The following ATG10 variants were observed in gnomAD, a reference collection of about 807,000 sequenced individuals.
ATG10 encodes ubiquitin-like-conjugating enzyme ATG10.
A neutral mutation model predicts 32.1 loss-of-function variants in ATG10; 30 were observed. The ratio of observed to expected loss-of-function variants is 0.94; its 90% CI spans 0.70 to 1.27. The LOEUF (loss-of-function observed/expected upper bound fraction) is 1.27, where lower values mean the gene tolerates loss of function less well. ATG10 is among the 50% of genes most tolerant of loss of function. ATG10 has a pLI of 0.00. For synonymous variants in ATG10, 87 were observed against 91.5 expected (o/e 0.95, Z 0.28); for missense variants, 233 against 262.3 (o/e 0.89, Z 0.77).
At chr5:82,188,062 A>G (rs1301139191) in intron 5 of ATG10, among the ~76,000 whole-genome samples, 1 of 152,256 alleles carries the variant, frequency 6.6e-6, no homozygotes, top group Non-Finnish European at 1.5e-5. Context: ...AATCTAAATA[A>G]AATGGGAGTT....
chr5:81,978,084 T>C (rs1760919090), intron 1 of ATG10, among the ~76,000 whole-genome samples: 1 of 152,204 alleles, frequency 6.6e-6, no homozygotes, highest in South Asian at 2.1e-4. Context: ...TGGTCTTTTT[T>C]TTTGAGGCGG....
chr5:82,183,657 A>C (rs760207868), intron 5 of ATG10, among the ~76,000 whole-genome samples: 22 of 152,134 alleles, frequency 1.4e-4, no homozygotes, highest in Non-Finnish European at 2.8e-4. Flanking sequence ...TTCTAATTCT[A>C]TCATTCATTA....
chr5:82,243,799 A>C (rs1466351012), intron 5 of ATG10, among the ~76,000 whole-genome samples: 1 of 152,196 alleles, frequency 6.6e-6, no homozygotes, highest in African/African-American at 2.4e-5. Context: ...GCTTAATCTA[A>C]TGAAACATGT....
At chr5:81,991,631 T>TA (rs1232443197) in intron 2 of ATG10, among the ~76,000 whole-genome samples, 1 of 151,854 alleles carries the variant, frequency 6.6e-6, no homozygotes, top group Non-Finnish European at 1.5e-5. Context: ...CTTTCTCTAC[T>TA]AAAAATACAA....
chr5:82,117,054 G>A (rs575844669), intron 3 of ATG10, among the ~76,000 whole-genome samples: 9 of 151,994 alleles, frequency 5.9e-5, no homozygotes, highest in Non-Finnish European at 1.3e-4. Context: ...TAGGACCACC[G>A]TGCTCATTTG....
At chr5:82,107,999 C>A (rs948051514) in intron 3 of ATG10, among the ~76,000 whole-genome samples, 1 of 151,812 alleles carries the variant, frequency 6.6e-6, no homozygotes, top group Non-Finnish European at 1.5e-5. Context: ...CTAGATAGAA[C>A]CTGGTTGATA....
intron 2 of ATG10, among the ~76,000 whole-genome samples, chr5:82,011,922 A>G (rs577866242): frequency 3.8e-4 from 58 of 152,064 alleles, no homozygotes; most frequent in Non-Finnish European, 7.1e-4. Context: ...GAATCTCCCT[A>G]TTACTATTCC....
chr5:82,092,388 C>G (rs982988006), intron 3 of ATG10, among the ~76,000 whole-genome samples: 1 of 151,952 alleles, frequency 6.6e-6, no homozygotes, highest in African/African-American at 2.4e-5. Context: ...TATTGATAAC[C>G]AAAAATAGAT....
chr5:82,029,756 T>A (rs955959095), intron 2 of ATG10, among the ~76,000 whole-genome samples: 4 of 152,180 alleles, frequency 2.6e-5, no homozygotes, highest in Non-Finnish European at 5.9e-5. Context: ...ACATTTTATA[T>A]CTCACTCATG....
intron 3 of ATG10, among the ~76,000 whole-genome samples, chr5:82,084,452 C>G (rs1189005263): frequency 6.6e-6 from 1 of 152,104 alleles, no homozygotes; most frequent in Non-Finnish European, 1.5e-5. Flanking sequence ...GCAAGGCAGG[C>G]CAACATTCAA....
chr5:82,133,061 T>A (rs528628180), intron 3 of ATG10, among the ~76,000 whole-genome samples: 8 of 152,318 alleles, frequency 5.3e-5, no homozygotes, highest in African/African-American at 1.9e-4. Flanking sequence ...TCTGTTAATA[T>A]CCTTCACCCA....
At chr5:82,020,205 G>T (rs1184102796) in intron 2 of ATG10, among the ~76,000 whole-genome samples, 4 of 152,212 alleles carry the variant, frequency 2.6e-5, no homozygotes, top group Non-Finnish European at 4.4e-5. Context: ...TAGAAGTAGT[G>T]AGGGGCAGGA....
intron 3 of ATG10, among the ~76,000 whole-genome samples, chr5:82,129,111 A>G (rs1434820388): frequency 6.6e-6 from 1 of 151,304 alleles, no homozygotes; most frequent in Non-Finnish European, 1.5e-5. Flanking sequence ...TCAATCTCTG[A>G]TATCCTTTCT....
chr5:82,205,994 C>A (rs1479634204), intron 5 of ATG10, among the ~76,000 whole-genome samples: 1 of 152,032 alleles, frequency 6.6e-6, no homozygotes, highest in Non-Finnish European at 1.5e-5. Context: ...ACTAGAGATC[C>A]CTATGAAGTC....
chr5:82,047,115 G>GA (rs1300385863), intron 2 of ATG10, among the ~76,000 whole-genome samples: 1 of 151,222 alleles, frequency 6.6e-6, no homozygotes, highest in Non-Finnish European at 1.5e-5. Context: ...AACAAAGAGA[G>GA]AAAAAAAATA....
At chr5:82,150,149 T>C (rs1374769203) in intron 3 of ATG10, among the ~76,000 whole-genome samples, 1 of 145,666 alleles carries the variant, frequency 6.9e-6, no homozygotes, top group Non-Finnish European at 1.5e-5. Context: ...GGCACAAGAA[T>C]GCTTTTACAT....
chr5:82,138,758 C>T (rs528794844), intron 3 of ATG10, among the ~76,000 whole-genome samples: 1 of 151,310 alleles, frequency 6.6e-6, no homozygotes, highest in Non-Finnish European at 1.5e-5. Flanking sequence ...GTATCAATAA[C>T]ATTATTACTA....
rs1252190848 is a variant in ATG10 at position 82,206,970 on chromosome 5, G to T, written c.453+28383G>T. 3.3e-5 allele frequency among the ~76,000 whole-genome samples: 5 copies of T among 152,178 alleles called. No individual in the cohort carries two copies. In the East Asian group the frequency reaches 7.7e-4, roughly 24 times the overall value. On this transcript the variant is annotated intron_variant, in intron 5 of 7. Coordinates refer to ENST00000282185, the MANE Select transcript of ATG10 (RefSeq NM_031482.5). ...ATCATCCATGTTGTTCCATGTAGTA[G>T]GAGTTCATTAATTTTTATTGCTATA...
chr5:82,233,704 C>T (rs1026025964), intron 5 of ATG10, among the ~76,000 whole-genome samples: 6 of 152,122 alleles, frequency 3.9e-5, no homozygotes, highest in African/African-American at 1.4e-4. Context: ...AGGCCCAGGC[C>T]CCTCTGCCCT....
Sources: allele counts gnomAD v4.1 joint callset (sites outside exome capture counted in the v4.1 genomes callset), GRCh38; gene constraint gnomAD v4.1.1; transcripts MANE v1.5; gene names NCBI Gene and HGNC (gene_info 2026-07-23, HGNC 2026-07-21).